Variants in SLC45A2 observed in about 807,000 individuals in gnomAD.
The protein encoded by SLC45A2 is membrane-associated transporter protein.
SLC45A2 carries 36 observed loss-of-function variants against 45.5 expected under a neutral mutation model. That is an observed-to-expected ratio of 0.79 (90% CI 0.61 to 1.04). The LOEUF is 1.04. SLC45A2 is among the 50% of genes least tolerant of loss of function. The pLI, the probability that SLC45A2 is intolerant of heterozygous loss-of-function variation, is 0.00. For synonymous variants in SLC45A2, 306 were observed against 269.3 expected, an observed-to-expected ratio of 1.14 and a Z score of -1.33; for missense variants, 719 against 671.0, an observed-to-expected ratio of 1.07 and a Z score of -0.79.
chr5:33,983,313 G>C (rs1169800571), intron 1 of SLC45A2, among the ~76,000 whole-genome samples: 1 of 151,962 alleles, frequency 6.6e-6, no homozygotes, highest in East Asian at 1.9e-4. Flanking sequence ...CTTAAGAATA[G>C]CATAGATTAT....
rs1358214286 is a variant in SLC45A2 at position 33,944,755 on chromosome 5, A to G, written c.1486T>C (p.Phe496Leu). The G allele has an allele frequency of 2.5e-6, 4 of 1,614,078 alleles. No individual in the cohort carries two copies. In the African/African-American group the frequency reaches 5.3e-5, roughly 22 times the overall value. Residue 496 changes from phenylalanine (F) to leucine (L), a missense_variant, in exon 7 of 7, where the codon TTT (phenylalanine) becomes CTT (leucine). Transcript: ENST00000296589. ...AQILVGGGLG[F>L]LVNTAGTVVV... is the part of the protein sequence containing the mutation. Reference sequence around the variant, plus strand: ...ACGGTCCCGGCTGTGTTGACCAGAAAGCCCAGGCCACCTCCGACCAGGATC... The same window carrying G: ...ACGGTCCCGGCTGTGTTGACCAGAAGGCCCAGGCCACCTCCGACCAGGATC...
chr5:33,963,274 T>C (rs1437346064), intron 3 of SLC45A2, among the ~76,000 whole-genome samples: 4 of 152,136 alleles, frequency 2.6e-5, no homozygotes, highest in African/African-American at 4.8e-5. Flanking sequence ...AAATATCCAA[T>C]CAACTCATGA....
chr5:33,971,394 T>C (rs1404302629), intron 2 of SLC45A2: 1 of 470,606 alleles, frequency 2.1e-6, no homozygotes, highest in Non-Finnish European at 4.1e-6. Flanking sequence ...AAAAACACTC[T>C]TGGCACACAA....
chr5:33,961,729 G>C (rs1436937454), intron 3 of SLC45A2, among the ~76,000 whole-genome samples: 1 of 152,184 alleles, frequency 6.6e-6, no homozygotes, highest in Non-Finnish European at 1.5e-5. Context: ...AGCGCTGAAT[G>C]CTGCCTCTCT....
intron 1 of SLC45A2, among the ~76,000 whole-genome samples, chr5:33,982,754 C>T (rs761431678): frequency 4.6e-5 from 7 of 152,086 alleles, no homozygotes; most frequent in Non-Finnish European, 7.4e-5. Context: ...ATACTAAAGG[C>T]ACTGAATTGT....
At chr5:33,953,040 T>C (rs1216033995) in intron 4 of SLC45A2, among the ~76,000 whole-genome samples, 1 of 100,214 alleles carries the variant, frequency 1.0e-5, no homozygotes, top group Non-Finnish European at 2.0e-5. Context: ...TTTTTATGGC[T>C]GCATAGTATT....
chr5:33,971,471 C>A, intron 2 of SLC45A2: 1 of 394,700 alleles, frequency 2.5e-6, no homozygotes, highest in East Asian at 6.5e-5. Context: ...CAGGGTCTCA[C>A]TCTATTGTCC....
At chr5:33,969,972 G>T (rs1007000401) in intron 2 of SLC45A2, among the ~76,000 whole-genome samples, 5 of 152,184 alleles carry the variant, frequency 3.3e-5, no homozygotes, top group African/African-American at 1.2e-4. Context: ...AATATTTCCA[G>T]TTCTAAGTTG....
intron 6 of SLC45A2, chr5:33,946,561 G>C: frequency 1.0e-6 from 1 of 990,764 alleles, no homozygotes; most frequent in Non-Finnish European, 1.2e-6. Flanking sequence ...TTGTTCACTA[G>C]TTGCGTTCCA....
At chr5:33,954,647 T>G (rs1252822092) in intron 3 of SLC45A2, 143 bp from the exon 4 acceptor site, 1 of 1,195,912 alleles carries the variant, frequency 8.4e-7, no homozygotes, top group African/African-American at 1.5e-5. Flanking sequence ...GAACTAGGTT[T>G]CCATGGAGTA....
intron 4 of SLC45A2, 122 bp downstream of exon 4, chr5:33,954,239 A>T: frequency 7.2e-6 from 10 of 1,396,984 alleles, no homozygotes; most frequent in Non-Finnish European, 9.0e-6. Flanking sequence ...CAGCTTCTTG[A>T]TGGTACCCTT....
At chr5:33,967,271 A>G (rs1307219112) in intron 2 of SLC45A2, among the ~76,000 whole-genome samples, 1 of 152,254 alleles carries the variant, frequency 6.6e-6, no homozygotes, top group Non-Finnish European at 1.5e-5. Flanking sequence ...GGCATGTAGC[A>G]AGTATCAAGA....
At chr5:33,963,508 C>T (rs918607225) in intron 3 of SLC45A2, 183 bp downstream of exon 3, 4 of 668,762 alleles carry the variant, frequency 6.0e-6, no homozygotes, top group Non-Finnish European at 1.0e-5. Flanking sequence ...AAAATGCAGA[C>T]ATTTTTCTTT....
At chr5:33,949,560 G>A (rs1752037435) in intron 5 of SLC45A2, among the ~76,000 whole-genome samples, 1 of 152,166 alleles carries the variant, frequency 6.6e-6, no homozygotes, top group Non-Finnish European at 1.5e-5. Flanking sequence ...AGGCCAAACT[G>A]TGAAAAGCTC....
chr5:33,982,240 G>A lies in SLC45A2; in HGVS notation c.558C>T (p.Phe186=), dbSNP rs1300644013. 1 of 1,613,874 alleles carries A rather than the reference G, an allele frequency of 6.2e-7. No individual in the cohort carries two copies. Among genetic ancestry groups the A allele is most frequent in the Non-Finnish European group, 8.5e-7 (1 of 1,179,916 alleles). ...KEKGLHYHAL[F]TGFGGALGYL... is the part of the protein sequence containing the mutation. ...ACTTTCTGGAATATTCCCTACCTGT[G>A]AAGAGGGCATGGTAGTGGAGGCCCT... The change falls in exon 2 of 7, where the codon TTC becomes TTT. Residue 186 remains phenylalanine (F), a synonymous_variant. Coordinates refer to ENST00000296589, the MANE Select transcript of SLC45A2 (RefSeq NM_016180.5).
chr5:33,982,558 T>A, intron 1 of SLC45A2, 146 bp from the exon 2 acceptor site: 1 of 824,720 alleles, frequency 1.2e-6, no homozygotes, highest in Non-Finnish European at 1.9e-6. Context: ...TACATTTTTT[T>A]TCAGGTTTTA....
chr5:33,971,052 TAACTG>T (rs1352968777), intron 2 of SLC45A2: 3 of 498,356 alleles, frequency 6.0e-6, no homozygotes, highest in Non-Finnish European at 1.2e-5. Context: ...CTTAAACAAT[TAACTG>T]AAGAAAAATT....
chr5:33,973,065 T>A (rs1369937218), intron 2 of SLC45A2, among the ~76,000 whole-genome samples: 2 of 152,186 alleles, frequency 1.3e-5, no homozygotes, highest in African/African-American at 4.8e-5. Context: ...TGGGTACCTC[T>A]GTGATGGGAG....
chr5:33,960,419 C>T (rs149427409), intron 3 of SLC45A2, among the ~76,000 whole-genome samples: 1,912 of 152,046 alleles, frequency 0.013, 39 homozygotes, highest in African/African-American at 0.043. Context: ...TGATGGAATA[C>T]TACTCAGCCA....
Sources: allele counts gnomAD v4.1 joint callset (sites outside exome capture counted in the v4.1 genomes callset), GRCh38; gene constraint gnomAD v4.1.1; transcripts MANE v1.5; gene names NCBI Gene and HGNC (gene_info 2026-07-23, HGNC 2026-07-21).